Variants in CLYBL observed in about 807,000 individuals in gnomAD.
The protein encoded by CLYBL is citramalyl-CoA lyase, mitochondrial.
Under a neutral mutation model 38.9 loss-of-function variants are expected in CLYBL, and 31 were observed. That is an observed-to-expected ratio of 0.80 (90% confidence interval 0.60 to 1.08). The LOEUF is 1.08. Among genes scored for constraint, CLYBL ranks in the 50% least tolerant of loss-of-function variants. The probability of loss-of-function intolerance (pLI) is 0.00; values close to 1 mark genes in which losing one functional copy is unlikely to be tolerated. For synonymous variants in CLYBL, 171 were observed against 158.6 expected (o/e 1.08, Z -0.59); for missense variants, 434 against 411.6 (o/e 1.05, Z -0.47).
intron 1 of CLYBL, among the ~76,000 whole-genome samples, chr13:99,757,759 A>G (rs1427943809): frequency 6.6e-6 from 1 of 152,162 alleles, no homozygotes; most frequent in Non-Finnish European, 1.5e-5. Context: ...GCGCCTGGCC[A>G]CCTTGGCAAC....
chr13:99,629,994 G>A (rs1259379460), intron 1 of CLYBL, among the ~76,000 whole-genome samples: 3 of 152,138 alleles, frequency 2.0e-5, no homozygotes, highest in Non-Finnish European at 4.4e-5. Context: ...TTGTGTTGTC[G>A]AAGAGGCTCT....
intron 1 of CLYBL, among the ~76,000 whole-genome samples, chr13:99,660,853 G>A (rs2047398759): frequency 6.9e-6 from 1 of 145,046 alleles, no homozygotes; most frequent in Non-Finnish European, 1.5e-5. Flanking sequence ...GTGTTGCAGT[G>A]TGTTGAAAAA....
chr13:99,766,761 T>G (rs1014409385), intron 1 of CLYBL, among the ~76,000 whole-genome samples: 1 of 152,158 alleles, frequency 6.6e-6, no homozygotes, highest in African/African-American at 2.4e-5. Context: ...CTTAGTAAAC[T>G]ATCAGAACGC....
intron 1 of CLYBL, among the ~76,000 whole-genome samples, chr13:99,616,986 A>G (rs994286562): frequency 1.3e-5 from 2 of 151,810 alleles, no homozygotes; most frequent in Non-Finnish European, 2.9e-5. Flanking sequence ...TAATAATAAT[A>G]TAATAAAGGA....
Position 99,869,762 on chromosome 13 carries a change from T to C in CLYBL, c.803-1176T>C, listed in dbSNP as rs149273801. On this transcript the variant is annotated intron_variant, in intron 6 of 8. Transcript: ENST00000339105. This position sits in a 1 kb window ranked among gnomAD's most constrained non-coding sequence, Gnocchi z 4.3. ...AGGATATAAAACATCAAGGATATAA[T>C]TTCTACTGTCTAAATGTTAAAATAA... Among the ~76,000 whole-genome samples, 449 of 152,222 alleles carry C rather than the reference T, an allele frequency of 2.9e-3. 3 individuals are homozygous for C. The highest frequency in any genetic ancestry group is 9.1e-3 in the African/African-American group (378 of 41,568).
rs1198468737 is a variant in CLYBL at position 99,871,072 on chromosome 13, T to G, written c.927+10T>G. ...TCAACAATTAGGAAAGGTAAATGTTTTGTTAATGCCTTGGGTGAGAGCAGT... is the reference window on the plus strand; with the variant it reads ...TCAACAATTAGGAAAGGTAAATGTTGTGTTAATGCCTTGGGTGAGAGCAGT... On this transcript the variant is annotated intron_variant, in intron 7 of 8. Transcript: ENST00000339105. 4.3e-6 allele frequency: 7 copies of G among 1,613,624 alleles called. No individual in the cohort carries two copies. The South Asian group carries it at 7.7e-5, about 18-fold the overall frequency.
Position 99,845,677 on chromosome 13 carries a change from T to C in CLYBL, c.250-13184T>C, listed in dbSNP as rs16956964. On this transcript the variant is annotated intron_variant, in intron 2 of 8. Coordinates refer to ENST00000339105, the MANE Select transcript of CLYBL (RefSeq NM_206808.5). ...GCAGGCTCTGCCACTTGCTCCACGA[T>C]ACACATCTTCAGAGGAACTGTGGCA... 7.1e-3 allele frequency among the ~76,000 whole-genome samples: 1,076 copies of C among 152,280 alleles called. 13 individuals are homozygous for C. Among genetic ancestry groups the C allele is most frequent in the African/African-American group, 0.024 (992 of 41,540 alleles).
chr13:99,734,918 T>C (rs1332883343), intron 1 of CLYBL, among the ~76,000 whole-genome samples: 1 of 152,138 alleles, frequency 6.6e-6, no homozygotes, highest in Non-Finnish European at 1.5e-5. Context: ...TACTATAAAA[T>C]CTACCCAGTT....
intron 1 of CLYBL, among the ~76,000 whole-genome samples, chr13:99,761,419 A>G (rs187454770): frequency 1.2e-4 from 18 of 152,382 alleles, no homozygotes; most frequent in Admixed American, 4.6e-4. Context: ...ATGAGTGACA[A>G]CATGCAATAT....
chr13:99,699,443 C>T (rs2048028028), intron 1 of CLYBL, among the ~76,000 whole-genome samples: 1 of 152,070 alleles, frequency 6.6e-6, no homozygotes, highest in Admixed American at 6.6e-5. Context: ...CCTGTAATCT[C>T]AGCACTTTGG....
At chr13:99,685,404 C>G (rs182095050) in intron 1 of CLYBL, among the ~76,000 whole-genome samples, 1 of 152,204 alleles carries the variant, frequency 6.6e-6, no homozygotes, top group East Asian at 1.9e-4. Context: ...TATTTATAAT[C>G]TTTATTTCAA....
rs181085691 is a variant in CLYBL, at chr13:99,623,621, G to A, written c.62+16864G>A. Among the ~76,000 whole-genome samples, 8 of 152,180 alleles carry A rather than the reference G, an allele frequency of 5.3e-5. No homozygotes were observed. The East Asian group carries it at 1.5e-3, about 29-fold the overall frequency. ...TTCCCTCCTTAGGTCCAGAGACCAT[G>A]GGCTTTGAGGCTCAGGGGATTCAGA... is the stretch of plus-strand genomic sequence containing the variant. On this transcript the variant is annotated intron_variant, in intron 1 of 8. Coordinates refer to ENST00000339105, the MANE Select transcript of CLYBL (RefSeq NM_206808.5).
At chr13:99,725,905 C>T (rs565888719) in intron 1 of CLYBL, among the ~76,000 whole-genome samples, 21 of 152,212 alleles carry the variant, frequency 1.4e-4, no homozygotes, top group African/African-American at 4.3e-4. Context: ...CACATGCGCA[C>T]GAAGGCAACA....
At chr13:99,836,596 C>T (rs2050940434) in intron 2 of CLYBL, among the ~76,000 whole-genome samples, 1 of 152,150 alleles carries the variant, frequency 6.6e-6, no homozygotes, top group Non-Finnish European at 1.5e-5. Flanking sequence ...TGCCACGGTG[C>T]CACAGTGTGA....
intron 1 of CLYBL, among the ~76,000 whole-genome samples, chr13:99,626,063 G>A (rs1484678938): frequency 6.6e-6 from 1 of 152,242 alleles, no homozygotes; most frequent in Non-Finnish European, 1.5e-5. Context: ...ACCTTGGCCT[G>A]TGGTAGATCC....
chr13:99,814,263 T>C (rs2050398210), intron 2 of CLYBL, among the ~76,000 whole-genome samples: 2 of 152,216 alleles, frequency 1.3e-5, no homozygotes, highest in South Asian at 2.1e-4. Flanking sequence ...ATAGATATTA[T>C]AGTTTACAAC....
chr13:99,707,609 G>A (rs2048166207), intron 1 of CLYBL, among the ~76,000 whole-genome samples: 1 of 152,078 alleles, frequency 6.6e-6, no homozygotes, highest in Admixed American at 6.6e-5. Context: ...ACAATGATAT[G>A]TTTTATAATA....
chr13:99,655,140 A>G lies in CLYBL; in HGVS notation c.62+48383A>G, dbSNP rs143440585. On this transcript the variant is annotated intron_variant, in intron 1 of 8. Coordinates refer to ENST00000339105, the MANE Select transcript of CLYBL (RefSeq NM_206808.5). ...ATCCAGGGTGGAGTGCAGTGGCGTG[A>G]TCTCGGCTCACTGCAATCTCTGCTT... 4.1e-3 allele frequency among the ~76,000 whole-genome samples: 608 copies of G among 147,162 alleles called. 6 individuals are homozygous for G. Among genetic ancestry groups the G allele is most frequent in the African/African-American group, 0.015 (578 of 39,576 alleles).
At chr13:99,884,691 C>A (rs571367177) in intron 7 of CLYBL, among the ~76,000 whole-genome samples, 1 of 152,190 alleles carries the variant, frequency 6.6e-6, no homozygotes, top group Non-Finnish European at 1.5e-5. Flanking sequence ...TGTGGCACGC[C>A]AGGTATGCAG....
Sources: gnomAD v4.1 joint callset for allele counts (sites outside exome capture counted in the v4.1 genomes callset) on GRCh38, gnomAD v4.1.1 for gene constraint, Gnocchi (gnomAD v3.1) non-coding constraint, MANE v1.5 for transcripts, NCBI Gene and HGNC (gene_info 2026-07-23, HGNC 2026-07-21) for gene names.